MDM2: variants seen among roughly 807,000 people sequenced by gnomAD.
MDM2 encodes the protein E3 ubiquitin-protein ligase Mdm2.
MDM2 carries 11 observed loss-of-function variants against 64.3 expected under a neutral mutation model. That is an observed-to-expected ratio of 0.17 (90% CI 0.11 to 0.28). The LOEUF (loss-of-function observed/expected upper bound fraction) is 0.28. MDM2 is among the 10% of genes least tolerant of loss of function. MDM2 has a pLI of 1.00. For missense variants in MDM2, 388 were observed against 577.1 expected (o/e 0.67, Z 3.36); for synonymous variants, 194 against 192.9 (o/e 1.01, Z -0.05).
chr12:68,849,399 T>G (rs200444571), downstream of MDM2: 1,378 of 129,198 alleles, frequency 0.011, 18 homozygotes, highest in East Asian at 0.033. Context: ...CGTTTTTTTT[T>G]TTGTTGTTGT....
At chr12:68,820,217 G>T in intron 4 of MDM2, 108 bp from the exon 5 acceptor site, 1 of 769,810 alleles carries the variant, frequency 1.3e-6, no homozygotes, top group East Asian at 2.6e-5. Flanking sequence ...AATGTGTGCA[G>T]TAGTTCATAC....
chr12:68,836,047 A>G, intron 9 of MDM2, 63 bp downstream of exon 9: 1 of 1,335,194 alleles, frequency 7.5e-7, no homozygotes, highest in Admixed American at 2.4e-5. Flanking sequence ...ATGTTCATTG[A>G]CTTTGAGATT....
At chr12:68,811,057 G>A (rs3730499) in intron 2 of MDM2, among the ~76,000 whole-genome samples, 461 of 151,876 alleles carry the variant, frequency 3.0e-3, no homozygotes, top group Non-Finnish European at 5.3e-3. Flanking sequence ...TAGAGATGGG[G>A]TTTTTCCATG....
intron 8 of MDM2, among the ~76,000 whole-genome samples, chr12:68,829,195 A>G (rs563344274): frequency 1.3e-5 from 2 of 152,326 alleles, no homozygotes; most frequent in African/African-American, 4.8e-5. Context: ...CACTGTATGT[A>G]TTAGAGAATA....
intron 5 of MDM2, 40 bp from the exon 6 acceptor site, chr12:68,824,323 G>GCCCACCA (rs755327701): frequency 7.0e-5 from 48 of 689,218 alleles, no homozygotes; most frequent in Non-Finnish European, 1.1e-4. Flanking sequence ...GCCGCCCCCC[G>GCCCACCA]CCCACCACCA....
chr12:68,815,671 G>A (rs753654969), intron 3 of MDM2: 3 of 409,642 alleles, frequency 7.3e-6, no homozygotes, highest in African/African-American at 4.2e-5. Flanking sequence ...TGGAACTCCT[G>A]GGCTCAAGGG....
chr12:68,810,712 C>T (rs560992079), intron 2 of MDM2, among the ~76,000 whole-genome samples: 14 of 152,250 alleles, frequency 9.2e-5, no homozygotes, highest in Admixed American at 6.5e-4. Context: ...CCGCCCGCCT[C>T]GGCCTCCCAA....
At chr12:68,828,577 CAATA>C in intron 7 of MDM2, 190 bp from the exon 8 acceptor site, 1 of 491,944 alleles carries the variant, frequency 2.0e-6, no homozygotes. Context: ...CTTTCTCAGA[CAATA>C]AATAAATAAA....
In MDM2 at chr12:68,843,724, T is replaced by G. The variant is rs1012387603; in HGVS notation, c.*3875T>G. The stretch of plus-strand genomic sequence containing the variant: ...CTCTCTCTCTCTCTCTCTGTCTGTC[T>G]CAATAAATGGCCAAAGGGATTAGTA... On this transcript the variant is annotated 3_prime_UTR_variant, in exon 11 of 11. Transcript: ENST00000258149. 11 of 223,784 alleles carry G rather than the reference T, an allele frequency of 4.9e-5. No individual in the cohort carries two copies. The highest frequency in any genetic ancestry group is 1.3e-3 in the Middle Eastern group (1 of 752). 13.9% of individuals were successfully genotyped at this position (223,784 alleles called of 1,614,324 possible).
chr12:68,824,417 G>A lies in MDM2; in HGVS notation c.413G>A (p.Gly138Glu), dbSNP rs2136138015. The A allele has an allele frequency of 1.2e-6, 2 of 1,613,700 alleles. No homozygotes were observed. Among genetic ancestry groups the A allele is most frequent in the Admixed American group, 3.3e-5 (2 of 59,984 alleles). ...GAGAACAGGTGTCACCTTGAAGGTGGGAGTGATCAAAAGGTAATCTAAGTA... is the reference window on the plus strand; with the variant it reads ...GAGAACAGGTGTCACCTTGAAGGTGAGAGTGATCAAAAGGTAATCTAAGTA... Reference protein sequence around the residue: ...VSENRCHLEGGSDQKDLVQEL... With the variant: ...VSENRCHLEGESDQKDLVQEL... Residue 138 changes from glycine to glutamate, a missense_variant, in exon 6 of 11, where the codon GGG becomes GAG. By Grantham distance (98) the Gly-to-Glu change is moderately conservative (BLOSUM62 -2). This residue lies in a region of MDM2 where 168 missense variants were observed against 236.6 expected (regional missense o/e 0.71). Transcript: ENST00000258149.
At chr12:68,817,027 G>A (rs1254010916) in intron 4 of MDM2, 82 bp downstream of exon 4, 5 of 1,492,936 alleles carry the variant, frequency 3.3e-6, no homozygotes, top group Non-Finnish European at 4.5e-6. Context: ...ACTTTTGTCA[G>A]AGAAAAACTG....
Position 68,845,015 on chromosome 12 carries a change from G to A in MDM2, c.*5166G>A, listed in dbSNP as rs995899816. On this transcript the variant is annotated 3_prime_UTR_variant, in exon 11 of 11. Transcript: ENST00000258149. ...ACTCCTGACCTCAAGTGATCTGCCCGCCTTGGCCCCCCAAAGTGCTGTGAT... is the reference window on the plus strand; with the variant it reads ...ACTCCTGACCTCAAGTGATCTGCCCACCTTGGCCCCCCAAAGTGCTGTGAT... 1.1e-4 allele frequency: 22 copies of A among 197,468 alleles called. No individual in the cohort carries two copies. The highest frequency in any genetic ancestry group is 4.2e-4 in the African/African-American group (18 of 43,274). 12.2% of individuals were successfully genotyped at this position (197,468 alleles called of 1,614,324 possible).
chr12:68,812,917 C>T (rs531818796), intron 2 of MDM2, among the ~76,000 whole-genome samples: 1 of 152,280 alleles, frequency 6.6e-6, no homozygotes, highest in South Asian at 2.1e-4. Context: ...AGTTGGCAGG[C>T]TCCTTGCATA....
At chr12:68,824,791 G>T (rs1463644712) in intron 7 of MDM2, 140 bp downstream of exon 7, 2 of 604,622 alleles carry the variant, frequency 3.3e-6, no homozygotes, top group African/African-American at 1.9e-5. Flanking sequence ...TTTCATTCGT[G>T]ATTTTATTTG....
chr12:68,816,681 G>A, intron 3 of MDM2, 131 bp from the exon 4 acceptor site: 1 of 791,042 alleles, frequency 1.3e-6, no homozygotes, highest in Non-Finnish European at 1.9e-6. Context: ...AGTACAAAAT[G>A]GTTGTTCTAC....
chr12:68,815,949 CAA>C (rs898415985), intron 3 of MDM2, among the ~76,000 whole-genome samples: 3 of 152,088 alleles, frequency 2.0e-5, no homozygotes, highest in Non-Finnish European at 4.4e-5. Flanking sequence ...ATTAATGGTT[CAA>C]AGTCATTATT....
chr12:68,812,699 A>G (rs1663577), intron 2 of MDM2, among the ~76,000 whole-genome samples: 51,787 of 151,960 alleles, frequency 0.34, 9,541 homozygotes, highest in Non-Finnish European at 0.42. Flanking sequence ...AACCTCTAGC[A>G]CTGTCTCCCA....
At chr12:68,809,489 C>G (rs1393245010) in intron 2 of MDM2, among the ~76,000 whole-genome samples, 197 bp downstream of exon 2, 1 of 152,132 alleles carries the variant, frequency 6.6e-6, no homozygotes, top group African/African-American at 2.4e-5. Context: ...AGCCATTTGC[C>G]ACATTTGCTT....
intron 10 of MDM2, among the ~76,000 whole-genome samples, chr12:68,837,323 C>T (rs1248433851): frequency 6.6e-6 from 1 of 151,572 alleles, no homozygotes. Context: ...CCAGCTTTAA[C>T]TATTACCAAC....
Sources: allele counts gnomAD v4.1 joint callset (sites outside exome capture counted in the v4.1 genomes callset), GRCh38; gene constraint gnomAD v4.1.1; regional missense constraint gnomAD v4.1.1; transcripts MANE v1.5; gene names NCBI Gene and HGNC (gene_info 2026-07-23, HGNC 2026-07-21).